CEP112: variants seen among roughly 807,000 people sequenced by gnomAD.
The protein encoded by CEP112 is centrosomal protein of 112 kDa.
CEP112 carries 127 observed loss-of-function variants against 153.0 expected under a neutral mutation model. That is an observed-to-expected ratio of 0.83 (90% confidence interval 0.72 to 0.96). The LOEUF (loss-of-function observed/expected upper bound fraction) is 0.96. Ranked by LOEUF, CEP112 falls within the 40% of genes least tolerant of loss-of-function variation. The pLI is 0.00. For missense variants in CEP112, 1,089 were observed against 1,101.2 expected (o/e 0.99, Z 0.16); for synonymous variants, 358 against 374.4 (o/e 0.96, Z 0.51).
chr17:65,966,854 A>G (rs1195093884), intron 17 of CEP112, among the ~76,000 whole-genome samples: 5 of 152,232 alleles, frequency 3.3e-5, no homozygotes, highest in African/African-American at 4.8e-5. Context: ...TGCCCAGTAA[A>G]ATGAAAATTA....
intron 18 of CEP112, among the ~76,000 whole-genome samples, chr17:65,937,633 C>CT (rs2061379558): frequency 1.0e-5 from 1 of 99,320 alleles, no homozygotes; most frequent in Non-Finnish European, 2.1e-5. Flanking sequence ...GTCAGCCCCC[C>CT]GCCCGGCCAG....
intron 25 of CEP112, among the ~76,000 whole-genome samples, chr17:65,638,834 G>A (rs1244817754): frequency 6.6e-6 from 1 of 152,108 alleles, no homozygotes; most frequent in African/African-American, 2.4e-5. Flanking sequence ...AGGCTGAAGT[G>A]GCTTTTATTA....
intron 4 of CEP112, among the ~76,000 whole-genome samples, chr17:66,157,220 T>C (rs540451831): frequency 9.2e-4 from 140 of 152,310 alleles, no homozygotes; most frequent in African/African-American, 3.1e-3. Flanking sequence ...TGGGGGCCAA[T>C]ATTCAACATT....
Position 66,132,769 on chromosome 17 carries a change from A to T in CEP112, c.471-6T>A, listed in dbSNP as rs200436739. 1.6e-5 allele frequency: 25 copies of T among 1,589,720 alleles called. No homozygotes were observed. The East Asian group carries it at 5.6e-4, about 36-fold the overall frequency. ...TCCCAGTGTACTGTTCCCTGCTAAG[A>T]GACCAAAATAATCGCAATCACAATT... is the stretch of plus-strand genomic sequence containing the variant. On this transcript the variant is annotated splice_region_variant and splice_polypyrimidine_tract_variant and intron_variant, in intron 4 of 26. Transcript: ENST00000535342.
intron 21 of CEP112, among the ~76,000 whole-genome samples, chr17:65,820,325 C>T (rs1030562654): frequency 1.3e-5 from 2 of 151,860 alleles, no homozygotes; most frequent in African/African-American, 2.4e-5. Context: ...AGCATTGTAC[C>T]CTAAAGTAGA....
chr17:66,061,722 G>A (rs1217181597), intron 11 of CEP112, among the ~76,000 whole-genome samples: 5 of 152,048 alleles, frequency 3.3e-5, no homozygotes, highest in East Asian at 3.9e-4. Context: ...AATCACACTC[G>A]TGGAATTTTA....
intron 20 of CEP112, among the ~76,000 whole-genome samples, chr17:65,901,660 G>A (rs2059855136): frequency 6.6e-6 from 1 of 152,060 alleles, no homozygotes; most frequent in Non-Finnish European, 1.5e-5. Context: ...CTTCTCTGGA[G>A]TCATTTTTAT....
chr17:65,971,544 CATGT>C (rs529454236), intron 17 of CEP112, among the ~76,000 whole-genome samples: 75 of 152,248 alleles, frequency 4.9e-4, no homozygotes, highest in Middle Eastern at 3.4e-3. Context: ...ATGTATGTTG[CATGT>C]ATGTTACATG....
At chr17:65,845,982 T>C (rs2057711708) in intron 21 of CEP112, among the ~76,000 whole-genome samples, 1 of 152,196 alleles carries the variant, frequency 6.6e-6, no homozygotes, top group South Asian at 2.1e-4. Flanking sequence ...AACCTTAACA[T>C]CGTAAGTGCT....
Position 65,927,617 on chromosome 17 carries a change from G to A in CEP112, c.1945C>T (p.Gln649Ter). ...REKQSKEFLW[Q>*]LEDIRQRYEQ... is the part of the protein sequence containing the mutation. ...TACCGCTGTCTGATGTCCTCCAGTT[G>A]CCATAAAAACTCCTTTGATTGTTTC... Residue 649 changes from glutamine to a stop codon, truncating the protein, a stop_gained, in exon 19 of 27, where the codon CAA (glutamine) becomes TAA (stop). Transcript: ENST00000535342. LOFTEE classifies it high-confidence loss of function. 2 of 1,601,694 alleles carry A rather than the reference G, an allele frequency of 1.2e-6. No individual in the cohort carries two copies. Among genetic ancestry groups the A allele is most frequent in the South Asian group, 2.3e-5 (2 of 87,580 alleles).
At chr17:66,037,172 T>TA (rs2065774376) in intron 12 of CEP112, among the ~76,000 whole-genome samples, 1 of 152,190 alleles carries the variant, frequency 6.6e-6, no homozygotes, top group Non-Finnish European at 1.5e-5. Context: ...TGTGTGGAAA[T>TA]AAAAGTGGCT....
intron 4 of CEP112, among the ~76,000 whole-genome samples, chr17:66,149,329 C>T (rs2146666908): frequency 1.3e-5 from 2 of 152,248 alleles, no homozygotes; most frequent in South Asian, 4.2e-4. Context: ...GTTTTAGTAT[C>T]AACTTAATGC....
intron 2 of CEP112, among the ~76,000 whole-genome samples, chr17:66,178,618 A>G (rs1272474690): frequency 1.3e-5 from 2 of 152,148 alleles, no homozygotes; most frequent in Admixed American, 1.3e-4. Flanking sequence ...GTATTACTCA[A>G]GAAATCTCTG....
At chr17:66,115,193 T>G (rs969417858) in intron 6 of CEP112, among the ~76,000 whole-genome samples, 1 of 151,946 alleles carries the variant, frequency 6.6e-6, no homozygotes, top group African/African-American at 2.4e-5. Context: ...TGACAGAGAC[T>G]GTCTCAAACA....
intron 16 of CEP112, among the ~76,000 whole-genome samples, chr17:66,010,156 C>T (rs1377013721): frequency 1.3e-5 from 2 of 151,932 alleles, no homozygotes; most frequent in Non-Finnish European, 2.9e-5. Context: ...TTTTTTATCC[C>T]ATTGTAGAAA....
chr17:65,916,545 T>C (rs1200955933), intron 19 of CEP112, among the ~76,000 whole-genome samples: 7 of 152,094 alleles, frequency 4.6e-5, no homozygotes, highest in African/African-American at 1.7e-4. Context: ...GCTTCTTTTT[T>C]TTTTTTTGAA....
At chr17:65,766,609 G>A (rs1009434212) in intron 21 of CEP112, among the ~76,000 whole-genome samples, 5 of 151,370 alleles carry the variant, frequency 3.3e-5, no homozygotes, top group African/African-American at 1.2e-4. Context: ...AAAAAATCAA[G>A]ATCCAATTAT....
At chr17:65,870,065 G>GAAAGAAAGAAACAAAGAAAGA in intron 20 of CEP112, among the ~76,000 whole-genome samples, 1 of 79,318 alleles carries the variant, frequency 1.3e-5, no homozygotes, top group South Asian at 4.5e-4. Context: ...AAGAAAGAAA[G>GAAAGAAAGAAACAAAGAAAGA]AAAGAAAGAA....
At chr17:66,177,274 C>CA (rs1013777336) in intron 2 of CEP112, among the ~76,000 whole-genome samples, 10 of 152,070 alleles carry the variant, frequency 6.6e-5, no homozygotes, top group Admixed American at 2.0e-4. Flanking sequence ...TAAAACCTGG[C>CA]AAAAAAAGAC....
Sources: gnomAD v4.1 joint callset for allele counts (sites outside exome capture counted in the v4.1 genomes callset) on GRCh38, gnomAD v4.1.1 for gene constraint, MANE v1.5 for transcripts, NCBI Gene and HGNC (gene_info 2026-07-23, HGNC 2026-07-21) for gene names.